The following TENM4 variants were observed in gnomAD, a reference collection of about 807,000 sequenced individuals.
The protein encoded by TENM4 is teneurin transmembrane protein 4, also known as teneurin-4.
Under a neutral mutation model 243.3 loss-of-function variants are expected in TENM4, and 82 were observed. That is an observed-to-expected ratio of 0.34 (90% CI 0.28 to 0.40). TENM4 has a LOEUF of 0.40. TENM4 is among the 10% of genes least tolerant of loss of function. TENM4 has a pLI of 1.00. For synonymous variants in TENM4, 1,412 were observed against 1,456.3 expected (o/e 0.97, Z 0.69); for missense variants, 3,138 against 3,673.3 (o/e 0.85, Z 3.77).
At chr11:79,246,311 C>A (rs1892881) in intron 2 of TENM4, among the ~76,000 whole-genome samples, 48,251 of 152,006 alleles carry the variant, frequency 0.32, 8,589 homozygotes, top group East Asian at 0.56. Context: ...ACCAGACTGG[C>A]AGAGTTGTTT....
At chr11:78,659,524 T>A (rs146029601) in intron 33 of TENM4, among the ~76,000 whole-genome samples, 121 of 151,996 alleles carry the variant, frequency 8.0e-4, no homozygotes, top group African/African-American at 2.7e-3. Flanking sequence ...CAGGCTTGAG[T>A]TGGGACCTGA....
intron 3 of TENM4, among the ~76,000 whole-genome samples, chr11:79,195,700 A>G (rs1863613211): frequency 6.6e-6 from 1 of 152,148 alleles, no homozygotes; most frequent in South Asian, 2.1e-4. Flanking sequence ...TTTTGATTTT[A>G]CAGGCTCATA....
At chr11:79,409,911 C>T (rs1329533157) in intron 1 of TENM4, among the ~76,000 whole-genome samples, 1 of 152,148 alleles carries the variant, frequency 6.6e-6, no homozygotes, top group Non-Finnish European at 1.5e-5. Context: ...TAGTTGCCCA[C>T]AGTGGTAACC....
intron 3 of TENM4, among the ~76,000 whole-genome samples, chr11:79,168,451 T>G (rs1426658071): frequency 6.6e-6 from 1 of 152,086 alleles, no homozygotes; most frequent in African/African-American, 2.4e-5. Flanking sequence ...CAAGCTACTT[T>G]CCCATAGTGA....
chr11:78,805,277 T>TACCCCCCCCA lies in TENM4; in HGVS notation c.2179+14_2179+15insTGGGGGGGGT. 1 of 1,402,548 alleles carries TACCCCCCCCA rather than the reference T, an allele frequency of 7.1e-7. No homozygotes were observed. The highest frequency in any genetic ancestry group is 9.7e-7 in the Non-Finnish European group (1 of 1,033,116). The allele number at this position is 1,402,548 out of a possible 1,614,324, so 86.9% of individuals were successfully genotyped here. ...CCCCTCCCTCTACCCATGCTTCTTCTCCCCCTGCATTTACCGATAGAACAG... is the reference window on the plus strand; with the variant it reads ...CCCCTCCCTCTACCCATGCTTCTTCTACCCCCCCCACCCCCTGCATTTACCGATAGAACAG... On this transcript the variant is annotated intron_variant, in intron 15 of 33. Transcript: ENST00000278550.
At chr11:78,902,973 C>T (rs78173835) in intron 7 of TENM4, among the ~76,000 whole-genome samples, 15 of 152,354 alleles carry the variant, frequency 9.8e-5, no homozygotes, top group Non-Finnish European at 1.5e-4. Flanking sequence ...CCGCAAACAT[C>T]ATGGCCATTG....
chr11:78,802,587 A>C (rs1857301699), intron 15 of TENM4, among the ~76,000 whole-genome samples: 1 of 152,242 alleles, frequency 6.6e-6, no homozygotes, highest in Admixed American at 6.5e-5. Flanking sequence ...CGTGGGGCCA[A>C]GCCTTGACTC....
At chr11:79,107,301 A>T (rs1174782176) in intron 4 of TENM4, among the ~76,000 whole-genome samples, 1 of 152,044 alleles carries the variant, frequency 6.6e-6, no homozygotes, top group Non-Finnish European at 1.5e-5. Flanking sequence ...TCATAATCAT[A>T]ATCATAGTGG....
chr11:79,248,401 C>T (rs1454273965), intron 2 of TENM4, among the ~76,000 whole-genome samples: 1 of 152,140 alleles, frequency 6.6e-6, no homozygotes, highest in Non-Finnish European at 1.5e-5. Context: ...ACAGAGTTCC[C>T]ATTAGTGCCA....
chr11:78,819,273 A>C (rs1857674505), intron 12 of TENM4, among the ~76,000 whole-genome samples: 1 of 152,226 alleles, frequency 6.6e-6, no homozygotes, highest in Non-Finnish European at 1.5e-5. Context: ...TCATTAGCGC[A>C]GCTATGTCAA....
intron 12 of TENM4, among the ~76,000 whole-genome samples, chr11:78,841,308 C>T (rs1021229839): frequency 1.3e-5 from 2 of 152,198 alleles, no homozygotes; most frequent in African/African-American, 4.8e-5. Context: ...AACCACTAAG[C>T]CACACTGCCT....
chr11:78,822,004 C>CCT (rs5792817), intron 12 of TENM4, among the ~76,000 whole-genome samples: 82,587 of 151,940 alleles, frequency 0.54, 25,430 homozygotes, highest in African/African-American at 0.84. Flanking sequence ...CAAATAATAT[C>CCT]TGACTCAAAG....
intron 1 of TENM4, among the ~76,000 whole-genome samples, chr11:79,388,993 A>G (rs1565326217): frequency 6.6e-6 from 1 of 152,184 alleles, no homozygotes; most frequent in Non-Finnish European, 1.5e-5. Context: ...AGAGCCAGGA[A>G]AAGAGGTTGG....
At chr11:78,783,448 G>A (rs1236377496) in intron 16 of TENM4, among the ~76,000 whole-genome samples, 1 of 152,130 alleles carries the variant, frequency 6.6e-6, no homozygotes, top group Admixed American at 6.5e-5. Context: ...ATATTTTTAG[G>A]AGCAGGTGAC....
chr11:78,949,997 G>A (rs763055511), intron 6 of TENM4, among the ~76,000 whole-genome samples: 38 of 151,960 alleles, frequency 2.5e-4, no homozygotes, highest in African/African-American at 8.5e-4. Flanking sequence ...TTGGCGGGGC[G>A]GGGGGTGCAT....
intron 28 of TENM4, among the ~76,000 whole-genome samples, chr11:78,697,017 G>C (rs930134293): frequency 6.6e-6 from 1 of 152,112 alleles, no homozygotes; most frequent in African/African-American, 2.4e-5. Flanking sequence ...AGTGGTCAGG[G>C]GTGTATGCTC....
chr11:79,357,180 C>G (rs866386220), intron 1 of TENM4, among the ~76,000 whole-genome samples: 1 of 152,198 alleles, frequency 6.6e-6, no homozygotes, highest in Non-Finnish European at 1.5e-5. Flanking sequence ...GTCCACTAAA[C>G]AGGGCAGTAA....
intron 6 of TENM4, among the ~76,000 whole-genome samples, chr11:78,915,268 A>G (rs747581445): frequency 6.6e-6 from 1 of 151,938 alleles, no homozygotes; most frequent in Non-Finnish European, 1.5e-5. Context: ...TTCTCTGACC[A>G]CTCTCACTCC....
intron 3 of TENM4, among the ~76,000 whole-genome samples, chr11:79,185,393 A>G (rs1248840072): frequency 6.6e-6 from 1 of 152,222 alleles, no homozygotes; most frequent in Non-Finnish European, 1.5e-5. Context: ...TGCAAGAAAA[A>G]AAGTCCTTTG....
Sources: gnomAD v4.1 joint callset for allele counts (sites outside exome capture counted in the v4.1 genomes callset) on GRCh38, gnomAD v4.1.1 for gene constraint, MANE v1.5 for transcripts, NCBI Gene and HGNC (gene_info 2026-07-23, HGNC 2026-07-21) for gene names.